The following FBXL7 variants were observed in gnomAD, a reference collection of about 807,000 sequenced individuals.
FBXL7 encodes the protein F-box/LRR-repeat protein 7.
In FBXL7, 12 loss-of-function variants were observed where a neutral mutation model predicts 38.3. The observed-to-expected ratio is 0.31, with a 90% CI of 0.20 to 0.51. The LOEUF (loss-of-function observed/expected upper bound fraction) is 0.51. Among genes scored for constraint, FBXL7 ranks in the 20% least tolerant of loss-of-function variants. The pLI, the probability that FBXL7 is intolerant of heterozygous loss-of-function variation, is 0.98. For synonymous variants in FBXL7, 297 were observed against 300.9 expected (o/e 0.99, Z 0.13); for missense variants, 567 against 676.4 (o/e 0.84, Z 1.79).
At chr5:15,843,728 T>G (rs1738811998) in intron 2 of FBXL7, among the ~76,000 whole-genome samples, 1 of 152,088 alleles carries the variant, frequency 6.6e-6, no homozygotes, top group African/African-American at 2.4e-5. Flanking sequence ...ATTGAAATTT[T>G]AAAATCTTAA....
intron 1 of FBXL7, among the ~76,000 whole-genome samples, chr5:15,526,066 G>T (rs1242871869): frequency 6.6e-6 from 1 of 152,110 alleles, no homozygotes; most frequent in Non-Finnish European, 1.5e-5. Flanking sequence ...ATGGGGGAAT[G>T]AATGAGGTCA....
intron 2 of FBXL7, among the ~76,000 whole-genome samples, chr5:15,781,086 C>G (rs1053517681): frequency 2.0e-5 from 3 of 152,200 alleles, no homozygotes; most frequent in Admixed American, 2.0e-4. Context: ...GCTATCATCT[C>G]TCTTCCCGGT....
chr5:15,805,523 G>A (rs888378350), intron 2 of FBXL7, among the ~76,000 whole-genome samples: 4 of 151,886 alleles, frequency 2.6e-5, no homozygotes, highest in Admixed American at 6.6e-5. Context: ...TTACCTAAGG[G>A]CCAGGTCAAC....
At chr5:15,544,218 C>A (rs919444619) in intron 1 of FBXL7, among the ~76,000 whole-genome samples, 1 of 152,206 alleles carries the variant, frequency 6.6e-6, no homozygotes, top group Non-Finnish European at 1.5e-5. Context: ...TCAACCAACT[C>A]TCCCTTGAAT....
chr5:15,883,511 T>G (rs1469950091), intron 2 of FBXL7, among the ~76,000 whole-genome samples: 1 of 152,124 alleles, frequency 6.6e-6, no homozygotes, highest in Non-Finnish European at 1.5e-5. Flanking sequence ...TAAGAATGGG[T>G]TTTATAACAC....
chr5:15,675,685 AATT>A (rs1397993606), intron 2 of FBXL7, among the ~76,000 whole-genome samples: 1 of 152,196 alleles, frequency 6.6e-6, no homozygotes, highest in East Asian at 1.9e-4. Flanking sequence ...CGGTTTATAA[AATT>A]CCCCTTCTCT....
intron 2 of FBXL7, among the ~76,000 whole-genome samples, chr5:15,710,279 A>C (rs1273810280): frequency 6.6e-6 from 1 of 152,140 alleles, no homozygotes; most frequent in Non-Finnish European, 1.5e-5. Context: ...AATGTCTGCC[A>C]CATGTCCTCT....
chr5:15,693,056 A>G (rs1192139930), intron 2 of FBXL7, among the ~76,000 whole-genome samples: 1 of 152,186 alleles, frequency 6.6e-6, no homozygotes, highest in African/African-American at 2.4e-5. Context: ...ACTCATTTCT[A>G]TGATGCCTGT....
intron 2 of FBXL7, among the ~76,000 whole-genome samples, chr5:15,640,484 A>G (rs1741325171): frequency 6.6e-6 from 1 of 151,866 alleles, no homozygotes; most frequent in African/African-American, 2.4e-5. Context: ...CTGTCTCCAA[A>G]TAAGGTCACA....
chr5:15,844,175 A>G (rs1430627674), intron 2 of FBXL7, among the ~76,000 whole-genome samples: 1 of 152,170 alleles, frequency 6.6e-6, no homozygotes, highest in African/African-American at 2.4e-5. Flanking sequence ...AGGAAAAGCA[A>G]TTGCCAGTAG....
intron 2 of FBXL7, among the ~76,000 whole-genome samples, chr5:15,851,156 C>T (rs186206473): frequency 2.6e-5 from 4 of 152,294 alleles, no homozygotes; most frequent in Admixed American, 1.3e-4. Context: ...GAACGTGCTG[C>T]CAGGTCCGTT....
intron 1 of FBXL7, among the ~76,000 whole-genome samples, chr5:15,546,338 G>A (rs1169418971): frequency 1.3e-5 from 2 of 151,386 alleles, no homozygotes; most frequent in African/African-American, 2.4e-5. Context: ...AGGCTGAGGC[G>A]GGTAGATCAC....
intron 2 of FBXL7, among the ~76,000 whole-genome samples, 192 bp downstream of exon 2, chr5:15,616,264 T>C (rs949990884): frequency 6.6e-6 from 1 of 152,136 alleles, no homozygotes; most frequent in Admixed American, 6.6e-5. Context: ...TTCATGAAAA[T>C]TGATTTGACG....
At chr5:15,850,919 CT>C in intron 2 of FBXL7, among the ~76,000 whole-genome samples, 1 of 152,346 alleles carries the variant, frequency 6.6e-6, no homozygotes, top group East Asian at 1.9e-4. Flanking sequence ...GCTCTGTGCC[CT>C]GCTCATCTCT....
chr5:15,672,306 T>C (rs1742504838), intron 2 of FBXL7, among the ~76,000 whole-genome samples: 1 of 152,194 alleles, frequency 6.6e-6, no homozygotes. Context: ...TTAAACTACT[T>C]GAAAGAGGTA....
At chr5:15,758,676 T>C (rs1296795910) in intron 2 of FBXL7, among the ~76,000 whole-genome samples, 2 of 152,188 alleles carry the variant, frequency 1.3e-5, no homozygotes, top group Non-Finnish European at 2.9e-5. Flanking sequence ...AAGCTTGTGA[T>C]TTCATTTTTG....
chr5:15,674,062 A>G (rs928659669), intron 2 of FBXL7, among the ~76,000 whole-genome samples: 1 of 152,252 alleles, frequency 6.6e-6, no homozygotes, highest in African/African-American at 2.4e-5. Context: ...AGGTTAGTTC[A>G]AAAAGAGCTC....
intron 2 of FBXL7, among the ~76,000 whole-genome samples, chr5:15,801,430 A>T (rs1737560353): frequency 6.6e-6 from 1 of 152,202 alleles, no homozygotes; most frequent in South Asian, 2.1e-4. Context: ...GTAATAAAAA[A>T]AGTCATTGGG....
chr5:15,916,038 A>G (rs1741574677), intron 2 of FBXL7, among the ~76,000 whole-genome samples: 1 of 152,180 alleles, frequency 6.6e-6, no homozygotes, highest in Admixed American at 6.5e-5. Context: ...TAATGATAAT[A>G]CAGAACGTAA....
Sources: gnomAD v4.1 joint callset for allele counts (sites outside exome capture counted in the v4.1 genomes callset) on GRCh38, gnomAD v4.1.1 for gene constraint, MANE v1.5 for transcripts, NCBI Gene and HGNC (gene_info 2026-07-23, HGNC 2026-07-21) for gene names.